The following RASAL3 variants were observed in gnomAD, a reference collection of about 807,000 sequenced individuals.
RASAL3 encodes RAS protein activator like 3, also known as RAS protein activator like-3.
In RASAL3, 74 loss-of-function variants were observed where a neutral mutation model predicts 105.5. That is an observed-to-expected ratio of 0.70 (90% CI 0.58 to 0.85). The LOEUF is 0.85. Ranked by LOEUF, RASAL3 falls within the 40% of genes least tolerant of loss-of-function variation. The pLI, the probability that RASAL3 is intolerant of heterozygous loss-of-function variation, is 0.00. For synonymous variants in RASAL3, 579 were observed against 591.6 expected (o/e 0.98, Z 0.31); for missense variants, 1,352 against 1,392.0 (o/e 0.97, Z 0.46).
At position 15,453,304 on chromosome 19, in the gene RASAL3, G is replaced by T. The variant is rs57208996; in HGVS notation, c.2473C>A (p.Pro825Thr). Residue 825 changes from proline (P) to threonine (T), a missense_variant, in exon 15 of 18, where the codon CCT becomes ACT. Pro to Thr is a conservative substitution (Grantham distance 38). This residue lies in a region of RASAL3 where 920 missense variants were observed against 919.6 expected (regional missense o/e 1.00). Coordinates refer to ENST00000343625, the MANE Select transcript of RASAL3 (RefSeq NM_022904.3). The surrounding 1 kb of genome is among the most constrained non-coding windows in gnomAD (Gnocchi z 4.2). ...QRTQSVPVRR[P>T]ARRRQSAGPW... Reference sequence around the variant, plus strand: ...CCCGCAGATTGGCGGCGGCGGGCAGGACGCCGGACCGGGACACTCTGCGTG... The same window carrying T: ...CCCGCAGATTGGCGGCGGCGGGCAGTACGCCGGACCGGGACACTCTGCGTG... 1,294 of 1,494,190 alleles carry T rather than the reference G, an allele frequency of 8.7e-4. 9 individuals are homozygous for T. The African/African-American group carries it at 0.016, about 18-fold the overall frequency. 92.6% of individuals were successfully genotyped at this position (1,494,190 alleles called of 1,614,324 possible).
chr19:15,454,701 G>A lies in RASAL3; in HGVS notation c.1914C>T (p.Leu638=), dbSNP rs368967003. Residue 638 remains leucine, a synonymous_variant, in exon 12 of 18, where the codon CTC becomes CTT. Transcript: ENST00000343625. ...DHPAPGPART[L]TLIAKVIQNL... is the part of the protein sequence containing the mutation. ...TCTGGATGACCTTGGCAATCAGTGTGAGGGTGCGGGCTGGGCCGGGTGCTG... is the reference window on the plus strand; with the variant it reads ...TCTGGATGACCTTGGCAATCAGTGTAAGGGTGCGGGCTGGGCCGGGTGCTG... 5 of 1,611,568 alleles carry A rather than the reference G, an allele frequency of 3.1e-6. No homozygotes were observed. The highest frequency in any genetic ancestry group is 4.2e-6 in the Non-Finnish European group (5 of 1,178,650).
chr19:15,455,588 G>C (rs1380400444), intron 11 of RASAL3, among the ~76,000 whole-genome samples: 1 of 152,194 alleles, frequency 6.6e-6, no homozygotes, highest in East Asian at 1.9e-4. Context: ...ATGGTGATAG[G>C]GTTGCCAGAT....
chr19:15,453,488 T>A lies in RASAL3; in HGVS notation c.2289A>T (p.Ala763=). Residue 763 remains alanine, a synonymous_variant, in exon 15 of 18, where the codon GCA becomes GCT. Transcript: ENST00000343625. This position sits in a 1 kb window ranked among gnomAD's most constrained non-coding sequence, Gnocchi z 4.2. ...GGGCCAGGAAGCCGGGCTTCTCCCCTGCGGAGAGGCTAGGGGTGGGATGGA... is the reference window on the plus strand; with the variant it reads ...GGGCCAGGAAGCCGGGCTTCTCCCCAGCGGAGAGGCTAGGGGTGGGATGGA... ...PPAQVHSSLS[A]GEKPGFLAPR... is the part of the protein sequence containing the mutation. The A allele has an allele frequency of 1.3e-6, 2 of 1,530,192 alleles. No individual in the cohort carries two copies. The highest frequency in any genetic ancestry group is 8.7e-7 in the Non-Finnish European group (1 of 1,148,972). 94.8% of individuals were successfully genotyped at this position (1,530,192 alleles called of 1,614,324 possible). A position where few individuals can be genotyped will look rare whatever the true frequency, so the allele number is the denominator to read the frequency against.
intron 6 of RASAL3, among the ~76,000 whole-genome samples, chr19:15,459,620 C>T (rs1475992946): frequency 2.0e-5 from 3 of 152,022 alleles, no homozygotes; most frequent in Non-Finnish European, 4.4e-5. Flanking sequence ...GCACTGCAGC[C>T]TCAACTTCCC....
At chr19:15,460,911 C>A in intron 5 of RASAL3, 149 bp downstream of exon 5, 1 of 722,346 alleles carries the variant, frequency 1.4e-6, no homozygotes, top group Non-Finnish European at 2.4e-6. Context: ...AAGGTTATTT[C>A]ATTAGCTTCA....
chr19:15,463,073 TTTTC>T (rs1444575200), intron 2 of RASAL3, among the ~76,000 whole-genome samples: 5 of 152,096 alleles, frequency 3.3e-5, no homozygotes, highest in East Asian at 1.9e-4. Context: ...CTGTCATTTT[TTTTC>T]TTTCTTTTTT....
chr19:15,452,928 G>C, intron 15 of RASAL3, 113 bp from the exon 16 acceptor site: 3 of 1,458,946 alleles, frequency 2.1e-6, no homozygotes. Flanking sequence ...TGCCTAGTTG[G>C]GGAACATCCC....
At position 15,457,892 on chromosome 19, in the gene RASAL3, G is replaced by C; in HGVS notation, c.889-58C>G. ...TTGGTTTGTTGGCACCCCAAAGAAG[G>C]CACCGCAAGTGAAGCGTGGAGCCTC... is the stretch of plus-strand genomic sequence containing the variant. On this transcript the variant is annotated intron_variant, in intron 8 of 17. Coordinates refer to ENST00000343625, the MANE Select transcript of RASAL3 (RefSeq NM_022904.3). The surrounding 1 kb of genome is among the most constrained non-coding windows in gnomAD (Gnocchi z 8.6). 1 of 1,531,346 alleles carries C rather than the reference G, an allele frequency of 6.5e-7. No individual in the cohort carries two copies. The highest frequency in any genetic ancestry group is 8.8e-7 in the Non-Finnish European group (1 of 1,135,082). The allele number at this position is 1,531,346 out of a possible 1,614,324, so 94.9% of individuals were successfully genotyped here.
Position 15,457,134 on chromosome 19 carries a change from C to G in RASAL3, c.1431+158G>C, listed in dbSNP as rs958107237. Among the ~76,000 whole-genome samples, 1 of 152,030 alleles carries G rather than the reference C, an allele frequency of 6.6e-6. No homozygotes were observed. Among genetic ancestry groups the G allele is most frequent in the South Asian group, 2.1e-4 (1 of 4,830 alleles). On this transcript the variant is annotated intron_variant, in intron 9 of 17. Transcript: ENST00000343625. The surrounding 1 kb of genome is among the most constrained non-coding windows in gnomAD (Gnocchi z 8.6). ...AGGTGCCCCGCCCTTCTAGGTGCCC[C>G]GCCGCTTACAGGTGACACTTGGACC...
rs867767160 is a variant in RASAL3 at position 15,454,167 on chromosome 19, G to C, written c.2261C>G (p.Pro754Arg). 1.9e-6 allele frequency: 3 copies of C among 1,563,476 alleles called. No homozygotes were observed. The highest frequency in any genetic ancestry group is 2.4e-5 in the South Asian group (2 of 84,786). Residue 754 changes from proline (P) to arginine (R), a missense_variant, in exon 14 of 18, where the codon CCG becomes CGG. This residue lies in a region of RASAL3 where 920 missense variants were observed against 919.6 expected (regional missense o/e 1.00). Coordinates refer to ENST00000343625, the MANE Select transcript of RASAL3 (RefSeq NM_022904.3). The stretch of plus-strand genomic sequence containing the variant: ...AGGTTACCTGGAGTGGACCTGGGCC[G>C]GGGGCAGTGGGAGACGCATTGGCAC... ...VSVPMRLPLP[P>R]AQVHSSLSAG...
At position 15,452,765 on chromosome 19, in the gene RASAL3, C is replaced by A; in HGVS notation, c.2721G>T (p.Val907=). 6.4e-7 allele frequency: 1 copy of A among 1,563,706 alleles called. No individual in the cohort carries two copies. Among genetic ancestry groups the A allele is most frequent in the Non-Finnish European group, 8.7e-7 (1 of 1,153,694 alleles). Residue 907 remains valine, a synonymous_variant, in exon 16 of 18, where the codon GTG becomes GTT. Transcript: ENST00000343625. ...TCAGCGACTCCACGAGGCGGGACAGCACTTTCTGCTCCTCACGCAGAGCGG... is the reference window on the plus strand; with the variant it reads ...TCAGCGACTCCACGAGGCGGGACAGAACTTTCTGCTCCTCACGCAGAGCGG... ...EVAALREEQK[V]LSRLVESLST...
chr19:15,452,184 G>C, intron 16 of RASAL3, 76 bp from the exon 17 acceptor site: 2 of 1,455,900 alleles, frequency 1.4e-6, no homozygotes, highest in Non-Finnish European at 1.9e-6. Context: ...GAGTGCCAGG[G>C]ACTCCGGGGG....
chr19:15,454,725 T>C lies in RASAL3; in HGVS notation c.1890A>G (p.Pro630=). 6.2e-7 allele frequency: 1 copy of C among 1,610,510 alleles called. No individual in the cohort carries two copies. Among genetic ancestry groups the C allele is most frequent in the African/African-American group, 1.3e-5 (1 of 74,966 alleles). The part of the protein sequence containing the change: ...PSLFGLAPDH[P]APGPARTLTL... Reference sequence around the variant, plus strand: ...TGAGGGTGCGGGCTGGGCCGGGTGCTGGATGGTCTGGTGCCAAACCAAAGA... The same window carrying C: ...TGAGGGTGCGGGCTGGGCCGGGTGCCGGATGGTCTGGTGCCAAACCAAAGA... The change falls in exon 12 of 18, where the codon CCA becomes CCG. Residue 630 remains proline (P), a synonymous_variant. Coordinates refer to ENST00000343625, the MANE Select transcript of RASAL3 (RefSeq NM_022904.3).
At chr19:15,459,055 C>T (rs1306386715) in intron 6 of RASAL3, among the ~76,000 whole-genome samples, 1 of 152,002 alleles carries the variant, frequency 6.6e-6, no homozygotes, top group Admixed American at 6.6e-5. Context: ...CTCAGCCTCC[C>T]AAGTAGCTGG....
intron 16 of RASAL3, 70 bp downstream of exon 16, chr19:15,452,588 G>GA (rs1970188985): frequency 1.0e-6 from 1 of 986,928 alleles, no homozygotes; most frequent in Non-Finnish European, 1.3e-6. Flanking sequence ...GGGGGGGGGG[G>GA]AGGGCCTGGT....
At position 15,464,538 on chromosome 19, in the gene RASAL3, C is replaced by A. The variant is rs976784518; in HGVS notation, c.-53G>T. On this transcript the variant is annotated 5_prime_UTR_variant, in exon 1 of 18. Coordinates refer to ENST00000343625, the MANE Select transcript of RASAL3 (RefSeq NM_022904.3). ...CCTGACCAGCCCCAGAATCAGCAGC[C>A]GTCTGCACCCCGCCTGGCTTCCTCC... 6 of 652,704 alleles carry A rather than the reference C, an allele frequency of 9.2e-6. No individual in the cohort carries two copies. In the African/African-American group the frequency reaches 1.1e-4, roughly 12 times the overall value. 40.4% of individuals were successfully genotyped at this position (652,704 alleles called of 1,614,324 possible).
rs545769615 is a variant in RASAL3 at position 15,453,084 on chromosome 19, C to G, written c.2670+23G>C. Reference sequence around the variant, plus strand: ...CGCGTCCCTGTTCCCACTCCCCAGGCGCGGACCTGGGCCTGACCTTACCTT... The same window carrying G: ...CGCGTCCCTGTTCCCACTCCCCAGGGGCGGACCTGGGCCTGACCTTACCTT... On this transcript the variant is annotated intron_variant, in intron 15 of 17. Coordinates refer to ENST00000343625, the MANE Select transcript of RASAL3 (RefSeq NM_022904.3). This position sits in a 1 kb window ranked among gnomAD's most constrained non-coding sequence, Gnocchi z 4.2. 1.9e-4 allele frequency: 303 copies of G among 1,612,590 alleles called. 2 individuals carry two copies. The South Asian group carries it at 3.1e-3, about 17-fold the overall frequency.
chr19:15,458,308 G>C lies in RASAL3; in HGVS notation c.888+20C>G. 6.2e-7 allele frequency: 1 copy of C among 1,608,410 alleles called. No homozygotes were observed. The highest frequency in any genetic ancestry group is 8.5e-7 in the Non-Finnish European group (1 of 1,177,012). On this transcript the variant is annotated intron_variant, in intron 8 of 17. Transcript: ENST00000343625. ...CCTGTGGGCGGGGTCTCCGTGTCCC[G>C]CTTTTCTGAGGGCAATGACCTGGGT...
At position 15,456,060 on chromosome 19, in the gene RASAL3, T is replaced by C. The variant is rs1294507418; in HGVS notation, c.1721+44A>G. 1 of 1,599,166 alleles carries C rather than the reference T, an allele frequency of 6.3e-7. No individual in the cohort carries two copies. The highest frequency in any genetic ancestry group is 8.5e-7 in the Non-Finnish European group (1 of 1,169,602). On this transcript the variant is annotated intron_variant, in intron 11 of 17. Coordinates refer to ENST00000343625, the MANE Select transcript of RASAL3 (RefSeq NM_022904.3). The surrounding 1 kb of genome is among the most constrained non-coding windows in gnomAD (Gnocchi z 4.4). ...CCTAAACTGGAGGTCGGGGCTAGCA[T>C]GGTAAGCAGGGGTGGGCTAAGCTGC...
Sources: gnomAD v4.1 joint callset for allele counts (sites outside exome capture counted in the v4.1 genomes callset) on GRCh38, gnomAD v4.1.1 for gene constraint, gnomAD v4.1.1 regional missense constraint, Gnocchi (gnomAD v3.1) non-coding constraint, MANE v1.5 for transcripts, NCBI Gene and HGNC (gene_info 2026-07-23, HGNC 2026-07-21) for gene names.